Variants in PEAK1 observed in about 807,000 individuals in gnomAD.
The protein encoded by PEAK1 is pseudopodium enriched atypical kinase 1, also known as inactive tyrosine-protein kinase PEAK1.
Under a neutral mutation model 124.7 loss-of-function variants are expected in PEAK1, and 54 were observed. The ratio of observed to expected loss-of-function variants is 0.43; its 90% CI spans 0.35 to 0.54. The LOEUF (loss-of-function observed/expected upper bound fraction) is 0.54, where lower values mean the gene tolerates loss of function less well. Among genes scored for constraint, PEAK1 ranks in the 20% least tolerant of loss-of-function variants. The pLI, the probability that PEAK1 is intolerant of heterozygous loss-of-function variation, is 0.01. For missense variants in PEAK1, 2,046 were observed against 2,134.5 expected, an observed-to-expected ratio of 0.96 and a Z score of 0.82; for synonymous variants, 719 against 760.0, an observed-to-expected ratio of 0.95 and a Z score of 0.89.
intron 5 of PEAK1, among the ~76,000 whole-genome samples, chr15:77,258,231 A>G (rs1046110113): frequency 1.3e-5 from 2 of 152,188 alleles, no homozygotes; most frequent in African/African-American, 4.8e-5. Flanking sequence ...GTTTCATATG[A>G]ACTTTAAAGT....
chr15:77,130,161 A>C (rs2052736686), intron 9 of PEAK1, among the ~76,000 whole-genome samples: 1 of 152,186 alleles, frequency 6.6e-6, no homozygotes, highest in Non-Finnish European at 1.5e-5. Flanking sequence ...CCACGGCAAT[A>C]ATACATAAAG....
intron 6 of PEAK1, among the ~76,000 whole-genome samples, chr15:77,202,250 A>C (rs865918709): frequency 6.6e-6 from 1 of 152,146 alleles, no homozygotes; most frequent in African/African-American, 2.4e-5. Flanking sequence ...TATTTCTCAG[A>C]TCCTTGAACA....
chr15:77,200,595 A>C (rs1343835871), intron 6 of PEAK1, among the ~76,000 whole-genome samples: 2 of 152,240 alleles, frequency 1.3e-5, no homozygotes. Context: ...AGTTTTATCA[A>C]ACTGTGAATA....
At chr15:77,143,232 C>T (rs2053925844) in intron 8 of PEAK1, among the ~76,000 whole-genome samples, 1 of 152,120 alleles carries the variant, frequency 6.6e-6, no homozygotes, top group Non-Finnish European at 1.5e-5. Context: ...GTAATAAGTC[C>T]TAATTTTTCA....
chr15:77,306,032 T>G (rs1012695313), intron 2 of PEAK1, among the ~76,000 whole-genome samples: 1 of 152,184 alleles, frequency 6.6e-6, no homozygotes, highest in Non-Finnish European at 1.5e-5. Context: ...GGCAAGAATT[T>G]CAGAACATGA....
Position 77,181,767 on chromosome 15 carries a change from G to A in PEAK1, c.160C>T (p.Arg54Cys). 2.5e-6 allele frequency: 4 copies of A among 1,614,068 alleles called. No homozygotes were observed. Among genetic ancestry groups the A allele is most frequent in the East Asian group, 2.2e-5 (1 of 44,882 alleles). ...CGGAAATTGCCCGTGTTCCTGATGC[G>A]GTGGTTGTTACTGTGATTGGCATTA... ...KTNANHSNNH[R>C]IRNTGNFRPP... The change falls in exon 7 of 10, where the codon CGC (arginine) becomes TGC (cysteine). Residue 54 changes from arginine to cysteine, a missense_variant. Coordinates refer to ENST00000682557, the MANE Select transcript of PEAK1 (RefSeq NM_001385026.1).
intron 1 of PEAK1, chr15:77,402,578 A>T (rs2071463838): frequency 3.1e-6 from 3 of 978,880 alleles, no homozygotes; most frequent in Non-Finnish European, 3.6e-6. Context: ...GTCATCAAAT[A>T]ATGAAAGATA....
At chr15:77,123,753 G>C (rs1464641952) in intron 9 of PEAK1, among the ~76,000 whole-genome samples, 3 of 152,170 alleles carry the variant, frequency 2.0e-5, no homozygotes, top group African/African-American at 7.2e-5. Flanking sequence ...TTAGAGAACA[G>C]GGAAGTTAAG....
At chr15:77,132,476 C>A (rs1455034470) in intron 9 of PEAK1, among the ~76,000 whole-genome samples, 1 of 152,006 alleles carries the variant, frequency 6.6e-6, no homozygotes, top group African/African-American at 2.4e-5. Flanking sequence ...GGGAGGATCA[C>A]CTGAGATCAG....
intron 7 of PEAK1, among the ~76,000 whole-genome samples, chr15:77,172,503 T>C (rs1400528105): frequency 6.6e-6 from 1 of 152,220 alleles, no homozygotes; most frequent in African/African-American, 2.4e-5. Context: ...GTTTTGTTCA[T>C]TCTTAAGAAA....
chr15:77,323,794 A>G (rs2065394348), intron 2 of PEAK1, among the ~76,000 whole-genome samples: 1 of 152,204 alleles, frequency 6.6e-6, no homozygotes. Context: ...TTTAAAGTTC[A>G]TATGGAACCA....
rs374278810 is a variant in PEAK1, at chr15:77,336,179, C to A, written c.-603+28984G>T. On this transcript the variant is annotated intron_variant, in intron 2 of 9. Coordinates refer to ENST00000682557, the MANE Select transcript of PEAK1 (RefSeq NM_001385026.1). ...ACAAGACCTGCACCTACTTGTTCTA[C>A]AACCACAGAGCTTCAGGGGCAGAGA... The A allele has an allele frequency of 1.2e-5, 12 of 985,452 alleles. No individual in the cohort carries two copies. In the African/African-American group the frequency reaches 2.1e-4, roughly 17 times the overall value. 61.0% of individuals were successfully genotyped at this position (985,452 alleles called of 1,614,324 possible). A position where few individuals can be genotyped will look rare whatever the true frequency, so the allele number is the denominator to read the frequency against.
At chr15:77,270,240 A>G (rs1458656581) in intron 5 of PEAK1, among the ~76,000 whole-genome samples, 1 of 152,142 alleles carries the variant, frequency 6.6e-6, no homozygotes, top group East Asian at 1.9e-4. Context: ...GCCCTCTCTC[A>G]CCACTCCTAT....
At chr15:77,302,622 C>A (rs1432286227) in intron 2 of PEAK1, among the ~76,000 whole-genome samples, 2 of 152,176 alleles carry the variant, frequency 1.3e-5, no homozygotes, top group East Asian at 3.9e-4. Flanking sequence ...TAAGACTAAA[C>A]AGTCATACAG....
intron 1 of PEAK1, among the ~76,000 whole-genome samples, chr15:77,383,019 CTTTTTTTTT>C (rs752564656): frequency 7.7e-6 from 1 of 130,394 alleles, no homozygotes; most frequent in African/African-American, 2.9e-5. Flanking sequence ...TTTGTATCTC[CTTTTTTTTT>C]TTTTTTTTTT....
intron 8 of PEAK1, among the ~76,000 whole-genome samples, chr15:77,137,882 G>A (rs935812556): frequency 3.3e-5 from 5 of 152,122 alleles, no homozygotes; most frequent in Non-Finnish European, 7.4e-5. Flanking sequence ...ATTTCATCTT[G>A]AATTCCCACA....
intron 6 of PEAK1, among the ~76,000 whole-genome samples, chr15:77,190,856 A>G (rs2152833046): frequency 6.6e-6 from 1 of 152,350 alleles, no homozygotes; most frequent in East Asian, 1.9e-4. Context: ...TTACCCACAC[A>G]GTAAGCAGCA....
At chr15:77,154,208 A>C (rs1389397333) in intron 8 of PEAK1, among the ~76,000 whole-genome samples, 3 of 152,060 alleles carry the variant, frequency 2.0e-5, no homozygotes, top group Non-Finnish European at 2.9e-5. Context: ...GTTAGTTCTT[A>C]TTTTTCAATT....
At chr15:77,356,890 A>G (rs995205258) in intron 2 of PEAK1, among the ~76,000 whole-genome samples, 7 of 152,270 alleles carry the variant, frequency 4.6e-5, no homozygotes, top group Admixed American at 2.0e-4. Flanking sequence ...ATAACCACAC[A>G]CAAAATATCC....
Sources: allele counts gnomAD v4.1 joint callset (sites outside exome capture counted in the v4.1 genomes callset), GRCh38; gene constraint gnomAD v4.1.1; transcripts MANE v1.5; gene names NCBI Gene and HGNC (gene_info 2026-07-23, HGNC 2026-07-21).